HLCS: variants seen among roughly 807,000 people sequenced by gnomAD.
The protein encoded by HLCS is biotin--protein ligase.
In HLCS, 53 loss-of-function variants were observed where a neutral mutation model predicts 75.0. The ratio of observed to expected loss-of-function variants is 0.71; its 90% CI spans 0.57 to 0.89. The LOEUF (loss-of-function observed/expected upper bound fraction) is 0.89, where lower values mean the gene tolerates loss of function less well. HLCS is among the 40% of genes least tolerant of loss of function. HLCS has a pLI of 0.00. For missense variants in HLCS, 966 were observed against 1,074.0 expected (o/e 0.90, Z 1.41); for synonymous variants, 431 against 428.6 (o/e 1.01, Z -0.07).
rs912685138 is a variant in HLCS, at chr21:36,936,978, T to A, written c.908A>T (p.Asn303Ile). ...TSPEREGRRV[N>I]LTGKAPNILL... Reference sequence around the variant, plus strand: ...GATGTTGGGTGCCTTTCCCGTGAGGTTGACTCTCCTCCCTTCTCTTTCGGG... The same window carrying A: ...GATGTTGGGTGCCTTTCCCGTGAGGATGACTCTCCTCCCTTCTCTTTCGGG... Residue 303 changes from asparagine to isoleucine, a missense_variant, in exon 4 of 11, where the codon AAC (asparagine) becomes ATC (isoleucine). Transcript: ENST00000674895. 7.4e-6 allele frequency: 12 copies of A among 1,613,912 alleles called. No individual in the cohort carries two copies. In the Admixed American group the frequency reaches 1.3e-4, roughly 18 times the overall value.
intron 6 of HLCS, among the ~76,000 whole-genome samples, chr21:36,790,885 A>T (rs2060841129): frequency 6.6e-6 from 1 of 152,214 alleles, no homozygotes; most frequent in Non-Finnish European, 1.5e-5. Context: ...GAAGTCAGCA[A>T]AATGTTCTTA....
chr21:36,898,615 G>T (rs192809721), intron 5 of HLCS, among the ~76,000 whole-genome samples: 4 of 152,196 alleles, frequency 2.6e-5, no homozygotes, highest in Admixed American at 2.6e-4. Flanking sequence ...ATTAGAAGGG[G>T]CTTAAAAGAC....
chr21:36,793,516 G>A (rs1003991777), intron 6 of HLCS, among the ~76,000 whole-genome samples: 1 of 151,926 alleles, frequency 6.6e-6, no homozygotes, highest in South Asian at 2.1e-4. Context: ...TGGCCAGGCT[G>A]GTCTTGAACT....
chr21:36,931,271 G>C (rs1297040670), intron 4 of HLCS, among the ~76,000 whole-genome samples: 1 of 87,362 alleles, frequency 1.1e-5, no homozygotes, highest in Non-Finnish European at 2.0e-5. Flanking sequence ...CAACAAGAGT[G>C]AAACTCCATC....
chr21:36,925,886 T>C (rs987617654), intron 5 of HLCS, among the ~76,000 whole-genome samples: 5 of 152,256 alleles, frequency 3.3e-5, no homozygotes, highest in Non-Finnish European at 7.3e-5. Context: ...ATAAAATCTA[T>C]TAAAATGTTT....
intron 5 of HLCS, among the ~76,000 whole-genome samples, chr21:36,898,133 G>C (rs1368279838): frequency 6.6e-6 from 1 of 152,044 alleles, no homozygotes; most frequent in Admixed American, 6.6e-5. Context: ...AGAAGAGAAC[G>C]AGTCAAATGA....
At chr21:36,803,601 C>G (rs980823946) in intron 6 of HLCS, among the ~76,000 whole-genome samples, 1 of 152,086 alleles carries the variant, frequency 6.6e-6, no homozygotes, top group African/African-American at 2.4e-5. Flanking sequence ...AAGAAGTATC[C>G]CGCAACTGAT....
Position 36,767,210 on chromosome 21 carries a change from T to A in HLCS, c.1960+8A>T, listed in dbSNP as rs2145776793. ...AAGTAACAGCAATGATCACAAAAGATGACTGACCTTTGCCCTCGGTCTGCC... is the reference window on the plus strand; with the variant it reads ...AAGTAACAGCAATGATCACAAAAGAAGACTGACCTTTGCCCTCGGTCTGCC... On this transcript the variant is annotated splice_region_variant and intron_variant, in intron 7 of 10. Coordinates refer to ENST00000674895, the MANE Select transcript of HLCS (RefSeq NM_001352514.2). 1 of 1,613,912 alleles carries A rather than the reference T, an allele frequency of 6.2e-7. No individual in the cohort carries two copies. The highest frequency in any genetic ancestry group is 8.5e-7 in the Non-Finnish European group (1 of 1,179,770).
chr21:36,977,706 A>AC (rs1302379838), intron 1 of HLCS, among the ~76,000 whole-genome samples: 2 of 152,206 alleles, frequency 1.3e-5, no homozygotes, highest in South Asian at 2.1e-4. Flanking sequence ...ACTGCCTCTG[A>AC]CCCCCCAACT....
At chr21:36,984,552 G>A (rs998584723) in intron 1 of HLCS, among the ~76,000 whole-genome samples, 4 of 152,088 alleles carry the variant, frequency 2.6e-5, no homozygotes, top group Non-Finnish European at 4.4e-5. Context: ...GTTCCGAACC[G>A]CACACAATTT....
chr21:36,893,967 G>A (rs182285667), intron 6 of HLCS, among the ~76,000 whole-genome samples: 1 of 152,302 alleles, frequency 6.6e-6, no homozygotes, highest in Non-Finnish European at 1.5e-5. Context: ...TCGTTAACAT[G>A]GTTTGGATTT....
chr21:36,945,000 G>C (rs545809932), intron 2 of HLCS, among the ~76,000 whole-genome samples: 20 of 152,152 alleles, frequency 1.3e-4, no homozygotes, highest in African/African-American at 4.8e-4. Flanking sequence ...GGCGCCTGTA[G>C]TCCCAACTAC....
chr21:36,876,490 C>G (rs2146254853), intron 6 of HLCS, among the ~76,000 whole-genome samples: 1 of 152,172 alleles, frequency 6.6e-6, no homozygotes, highest in East Asian at 1.9e-4. Context: ...CGTACTTTCC[C>G]TTGTGATTTC....
chr21:36,772,979 C>CAAAA (rs35402890), intron 6 of HLCS, among the ~76,000 whole-genome samples: 1 of 103,500 alleles, frequency 9.7e-6, no homozygotes, highest in African/African-American at 4.2e-5. Context: ...GACTCCATCT[C>CAAAA]AAAAAAAAAA....
At chr21:36,772,137 G>C (rs2060226564) in intron 6 of HLCS, among the ~76,000 whole-genome samples, 1 of 152,026 alleles carries the variant, frequency 6.6e-6, no homozygotes, top group African/African-American at 2.4e-5. Flanking sequence ...CTCATTAAAA[G>C]TGTATATTCT....
chr21:36,790,464 A>G (rs2060827907), intron 6 of HLCS, among the ~76,000 whole-genome samples: 2 of 152,310 alleles, frequency 1.3e-5, no homozygotes, highest in Non-Finnish European at 2.9e-5. Context: ...GCTGATGTAG[A>G]GGGTGAAAAC....
intron 6 of HLCS, among the ~76,000 whole-genome samples, chr21:36,807,455 A>G (rs2061393112): frequency 6.6e-6 from 1 of 152,232 alleles, no homozygotes. Flanking sequence ...CAGGCCAGAT[A>G]GAATTCATGC....
intron 6 of HLCS, among the ~76,000 whole-genome samples, chr21:36,878,674 C>A (rs545002910): frequency 6.6e-6 from 1 of 152,280 alleles, no homozygotes; most frequent in East Asian, 1.9e-4. Flanking sequence ...CCCGTTATAG[C>A]TTTACCACTC....
chr21:36,829,304 C>T (rs1479568586), intron 6 of HLCS, among the ~76,000 whole-genome samples: 1 of 152,160 alleles, frequency 6.6e-6, no homozygotes, highest in African/African-American at 2.4e-5. Flanking sequence ...TCTGCTTCCC[C>T]GCCCACCTCT....
Sources: gnomAD v4.1 joint callset for allele counts (sites outside exome capture counted in the v4.1 genomes callset) on GRCh38, gnomAD v4.1.1 for gene constraint, MANE v1.5 for transcripts, NCBI Gene and HGNC (gene_info 2026-07-23, HGNC 2026-07-21) for gene names.